Variants in SNTG2 observed in about 807,000 individuals in gnomAD.
SNTG2 encodes syntrophin gamma 2, also known as gamma-2-syntrophin.
SNTG2 carries 74 observed loss-of-function variants against 70.9 expected under a neutral mutation model. That is an observed-to-expected ratio of 1.04 (90% CI 0.86 to 1.27). The LOEUF (loss-of-function observed/expected upper bound fraction) is 1.27. Among genes scored for constraint, SNTG2 ranks in the 50% most tolerant of loss-of-function variants. The pLI is 0.00. For missense variants in SNTG2, 717 were observed against 690.7 expected (o/e 1.04, Z -0.43); for synonymous variants, 278 against 273.8 (o/e 1.02, Z -0.15).
intron 16 of SNTG2, among the ~76,000 whole-genome samples, chr2:1,363,516 C>T (rs1427500703): frequency 2.0e-5 from 3 of 152,176 alleles, no homozygotes. Flanking sequence ...CACACTGTTT[C>T]CTGCACAGAG....
intron 9 of SNTG2, among the ~76,000 whole-genome samples, chr2:1,213,666 C>T (rs1475538856): frequency 6.6e-6 from 1 of 152,152 alleles, no homozygotes; most frequent in Non-Finnish European, 1.5e-5. Flanking sequence ...AGCCTGGGAC[C>T]ATTTGGACAC....
rs755089944 is a variant in SNTG2, at chr2:1,098,403, C to A, written c.318C>A (p.Asp106Glu). ...VPVVISKIFE[D>E]QAADQTGMLF... ...TCGTCATATCAAAAATATTCGAAGA[C>A]CAAGCAGGTAAAAACAGCCAAAATG... The change falls in exon 4 of 17, where the codon GAC becomes GAA. Residue 106 changes from aspartate (D) to glutamate (E), a missense_variant. By Grantham distance (45) the Asp-to-Glu change is conservative. Transcript: ENST00000308624. 1 of 1,613,926 alleles carries A rather than the reference C, an allele frequency of 6.2e-7. No individual in the cohort carries two copies.
At chr2:1,016,712 T>C (rs1189601558) in intron 1 of SNTG2, among the ~76,000 whole-genome samples, 1 of 152,232 alleles carries the variant, frequency 6.6e-6, no homozygotes, top group Non-Finnish European at 1.5e-5. Context: ...GAGCTATGCG[T>C]ATTCACGGAC....
At chr2:1,352,789 A>G (rs974387988) in intron 16 of SNTG2, among the ~76,000 whole-genome samples, 2 of 152,150 alleles carry the variant, frequency 1.3e-5, no homozygotes, top group African/African-American at 4.8e-5. Flanking sequence ...CTGTTTTCTC[A>G]TTTGAAAAAT....
intron 13 of SNTG2, among the ~76,000 whole-genome samples, chr2:1,262,632 A>G (rs78855189): frequency 0.022 from 3,050 of 138,314 alleles, 215 homozygotes; most frequent in Non-Finnish European, 0.03. Context: ...GAGGAAACCC[A>G]AAGGCTCAGT....
chr2:1,242,930 A>G (rs1283922732), intron 11 of SNTG2: 2 of 152,240 alleles, frequency 1.3e-5, no homozygotes, highest in African/African-American at 4.8e-5. Context: ...TAAAAGTATA[A>G]TACACACTTC....
chr2:1,295,414 A>G (rs1383355941), intron 14 of SNTG2, among the ~76,000 whole-genome samples: 9 of 152,216 alleles, frequency 5.9e-5, no homozygotes, highest in Non-Finnish European at 1.3e-4. Context: ...CGCTTCAGTA[A>G]GTTACCCATT....
intron 16 of SNTG2, among the ~76,000 whole-genome samples, chr2:1,322,892 G>A (rs1681595413): frequency 1.3e-5 from 2 of 152,102 alleles, no homozygotes; most frequent in African/African-American, 4.8e-5. Context: ...TTTGAAAGAG[G>A]GCTCAGAGGA....
At chr2:1,212,626 A>T (rs1674118356) in intron 9 of SNTG2, among the ~76,000 whole-genome samples, 1 of 152,238 alleles carries the variant, frequency 6.6e-6, no homozygotes, top group African/African-American at 2.4e-5. Context: ...AAGGGCAAAT[A>T]ATAAAACGCA....
At chr2:1,182,870 A>G (rs1169186093) in intron 8 of SNTG2, among the ~76,000 whole-genome samples, 1 of 152,120 alleles carries the variant, frequency 6.6e-6, no homozygotes, top group Non-Finnish European at 1.5e-5. Flanking sequence ...CTCCCAACTC[A>G]GCCTTCCCAG....
rs1432393218 is a variant in SNTG2 at position 1,288,632 on chromosome 2, GCA to G, written c.1285-19855_1285-19854del. Among the ~76,000 whole-genome samples the G allele has an allele frequency of 3.5e-5, 5 of 141,422 alleles. No individual in the cohort carries two copies. In the East Asian group the frequency reaches 8.2e-4, roughly 23 times the overall value. 92.8% of individuals were successfully genotyped at this position (141,422 alleles called of 152,430 possible). The stretch of plus-strand genomic sequence containing the variant: ...ATAAGCATACATACACATGGGCACA[GCA>G]CACACATGAAGATACATACATACAT... On this transcript the variant is annotated intron_variant, in intron 14 of 16. Transcript: ENST00000308624.
intron 1 of SNTG2, among the ~76,000 whole-genome samples, chr2:1,043,645 C>T (rs1381863028): frequency 6.6e-6 from 1 of 152,140 alleles, no homozygotes; most frequent in African/African-American, 2.4e-5. Context: ...AGCCAGTTAT[C>T]CCAGCACGAT....
intron 12 of SNTG2, among the ~76,000 whole-genome samples, chr2:1,248,573 G>A (rs1677573240): frequency 6.6e-6 from 1 of 152,210 alleles, no homozygotes; most frequent in East Asian, 1.9e-4. Context: ...ACATAACCAT[G>A]TTCTTTAACA....
intron 6 of SNTG2, among the ~76,000 whole-genome samples, chr2:1,151,377 T>G (rs1433856121): frequency 1.4e-5 from 1 of 72,014 alleles, no homozygotes; most frequent in African/African-American, 5.8e-5. Flanking sequence ...TTGTTGGTGG[T>G]GCTTTGTTGT....
chr2:1,133,939 G>A (rs980425073), intron 4 of SNTG2, among the ~76,000 whole-genome samples: 3 of 152,082 alleles, frequency 2.0e-5, no homozygotes, highest in Non-Finnish European at 4.4e-5. Flanking sequence ...CAGTAAAGAT[G>A]GCGTGTCCGG....
At position 1,111,063 on chromosome 2, in the gene SNTG2, G is replaced by A. The variant is rs574377690; in HGVS notation, c.325+12653G>A. On this transcript the variant is annotated intron_variant, in intron 4 of 16. Coordinates refer to ENST00000308624, the MANE Select transcript of SNTG2 (RefSeq NM_018968.4). Reference sequence around the variant, plus strand: ...CAAGTTAGCTTTCCGTAAGAATGAAGGGAGTCCCATTTTCCAATCCCCAGA... The same window carrying A: ...CAAGTTAGCTTTCCGTAAGAATGAAAGGAGTCCCATTTTCCAATCCCCAGA... 2.6e-5 allele frequency among the ~76,000 whole-genome samples: 4 copies of A among 152,352 alleles called. No homozygotes were observed. The South Asian group carries it at 8.3e-4, about 32-fold the overall frequency.
intron 14 of SNTG2, among the ~76,000 whole-genome samples, chr2:1,281,488 G>A (rs1422970120): frequency 5.0e-5 from 4 of 80,638 alleles, no homozygotes; most frequent in Admixed American, 1.2e-4. Flanking sequence ...TGTATATGGT[G>A]TGTGGTGTGT....
intron 9 of SNTG2, among the ~76,000 whole-genome samples, chr2:1,219,209 G>A (rs1674592391): frequency 6.6e-6 from 1 of 152,144 alleles, no homozygotes; most frequent in Non-Finnish European, 1.5e-5. Context: ...GTCAAGTGCT[G>A]GCTCCCCCTT....
intron 13 of SNTG2, among the ~76,000 whole-genome samples, chr2:1,266,247 C>G (rs905050115): frequency 2.0e-5 from 3 of 152,108 alleles, no homozygotes; most frequent in African/African-American, 7.2e-5. Context: ...CACCATGCAC[C>G]TCCATGCTGT....
Sources: allele counts gnomAD v4.1 joint callset (sites outside exome capture counted in the v4.1 genomes callset), GRCh38; gene constraint gnomAD v4.1.1; transcripts MANE v1.5; gene names NCBI Gene and HGNC (gene_info 2026-07-23, HGNC 2026-07-21).